Variants in SLC24A2 observed in about 807,000 individuals in gnomAD.
The protein encoded by SLC24A2 is sodium/potassium/calcium exchanger 2.
Under a neutral mutation model 62.0 loss-of-function variants are expected in SLC24A2, and 36 were observed. That is an observed-to-expected ratio of 0.58 (90% CI 0.44 to 0.77). The LOEUF is 0.77. SLC24A2 is among the 30% of genes least tolerant of loss of function. The probability of loss-of-function intolerance (pLI) is 0.00; values close to 1 mark genes in which losing one functional copy is unlikely to be tolerated. For missense variants in SLC24A2, 846 were observed against 817.9 expected (o/e 1.03, Z -0.42); for synonymous variants, 358 against 294.0 (o/e 1.22, Z -2.23).
At chr9:20,048,372 A>G in the SLC24A2 span, among the ~76,000 whole-genome samples, 12 of 152,328 alleles carry the variant, frequency 7.9e-5, no homozygotes, top group Non-Finnish European at 1.8e-4. Flanking sequence ...AGCCACCTGA[A>G]GCACAGTAGA....
At chr9:19,526,628 T>G (rs1833458091) in intron 9 of SLC24A2, among the ~76,000 whole-genome samples, 1 of 152,196 alleles carries the variant, frequency 6.6e-6, no homozygotes, top group Non-Finnish European at 1.5e-5. Flanking sequence ...TTCTTGTGCT[T>G]TTTAGCCATC....
At chr9:20,094,991 C>T in the SLC24A2 span, among the ~76,000 whole-genome samples, 2 of 152,048 alleles carry the variant, frequency 1.3e-5, no homozygotes, top group South Asian at 4.1e-4. Flanking sequence ...TATTAAAAAG[C>T]TACCTTTCCA....
At chr9:19,626,881 C>A (rs1818048256) in intron 2 of SLC24A2, among the ~76,000 whole-genome samples, 1 of 152,154 alleles carries the variant, frequency 6.6e-6, no homozygotes, top group Non-Finnish European at 1.5e-5. Context: ...AGACTAGATA[C>A]AAGGTGCAAA....
chr9:19,576,841 A>T, intron 6 of SLC24A2, 83 bp downstream of exon 6: 3 of 979,298 alleles, frequency 3.1e-6, no homozygotes, highest in East Asian at 4.8e-5. Flanking sequence ...GCACTGAGTC[A>T]GGGGTGCCCA....
At chr9:19,814,277 C>G in the SLC24A2 span, among the ~76,000 whole-genome samples, 1 of 151,936 alleles carries the variant, frequency 6.6e-6, no homozygotes, top group East Asian at 1.9e-4. Context: ...GAATGGGGAG[C>G]CTGGATGTTG....
the SLC24A2 span, among the ~76,000 whole-genome samples, chr9:20,191,321 A>C: frequency 9.7e-4 from 147 of 152,200 alleles, no homozygotes; most frequent in African/African-American, 3.4e-3. Context: ...AAAATATCTC[A>C]AAGGGTTTTG....
the SLC24A2 span, among the ~76,000 whole-genome samples, chr9:19,873,683 A>G: frequency 6.6e-6 from 1 of 151,362 alleles, no homozygotes; most frequent in Non-Finnish European, 1.5e-5. Flanking sequence ...AAAAGGAGGG[A>G]TTAGATTCTA....
chr9:19,827,324 G>A, the SLC24A2 span, among the ~76,000 whole-genome samples: 1 of 152,148 alleles, frequency 6.6e-6, no homozygotes, highest in Non-Finnish European at 1.5e-5. Context: ...TGTCAGTGTA[G>A]ACGCAAGATG....
intron 5 of SLC24A2, among the ~76,000 whole-genome samples, chr9:19,584,910 A>C (rs1015104119): frequency 6.6e-6 from 1 of 152,182 alleles, no homozygotes; most frequent in African/African-American, 2.4e-5. Flanking sequence ...TCTGTAATAA[A>C]GTATTTTGTA....
chr9:19,734,748 C>T (rs958868736), intron 2 of SLC24A2, among the ~76,000 whole-genome samples: 1 of 151,500 alleles, frequency 6.6e-6, no homozygotes. Context: ...CGAGACTTTG[C>T]TGAAGTTGCC....
At chr9:20,263,139 A>G in the SLC24A2 span, among the ~76,000 whole-genome samples, 2 of 152,186 alleles carry the variant, frequency 1.3e-5, no homozygotes, top group African/African-American at 2.4e-5. Flanking sequence ...ACTCATGTGT[A>G]CTTTTATGTT....
At chr9:19,769,294 C>A (rs1485674770) in intron 2 of SLC24A2, among the ~76,000 whole-genome samples, 2 of 152,204 alleles carry the variant, frequency 1.3e-5, no homozygotes, top group Non-Finnish European at 2.9e-5. Flanking sequence ...ATACGTCCAG[C>A]ATTTGATCAC....
intron 2 of SLC24A2, among the ~76,000 whole-genome samples, chr9:19,623,007 A>C (rs1332689446): frequency 6.6e-6 from 1 of 152,150 alleles, no homozygotes. Context: ...CCAGTTGAGA[A>C]ATGTGGATTA....
At chr9:20,213,785 CA>C in the SLC24A2 span, among the ~76,000 whole-genome samples, 1 of 152,056 alleles carries the variant, frequency 6.6e-6, no homozygotes, top group Non-Finnish European at 1.5e-5. Flanking sequence ...GAAAAGTTGC[CA>C]AAAATGGTAA....
chr9:20,078,256 C>G, the SLC24A2 span, among the ~76,000 whole-genome samples: 50 of 152,226 alleles, frequency 3.3e-4, 1 homozygote, highest in East Asian at 9.3e-3. Context: ...TCCTCATGAG[C>G]TTGTTTCTGT....
At chr9:19,749,121 T>G (rs571009077) in intron 2 of SLC24A2, among the ~76,000 whole-genome samples, 1 of 149,734 alleles carries the variant, frequency 6.7e-6, no homozygotes, top group African/African-American at 2.5e-5. Context: ...TTACCTCTCT[T>G]TTTTGCTCTC....
chr9:20,263,863 C>CCCCCCA, the SLC24A2 span, among the ~76,000 whole-genome samples: 1 of 57,350 alleles, frequency 1.7e-5, no homozygotes, highest in African/African-American at 8.5e-5. Flanking sequence ...TCCCACCCGC[C>CCCCCCA]CCCCCCCCCC....
At chr9:20,164,518 A>G in the SLC24A2 span, among the ~76,000 whole-genome samples, 13 of 150,370 alleles carry the variant, frequency 8.6e-5, no homozygotes, top group Admixed American at 1.3e-4. Flanking sequence ...AAATAGGAAC[A>G]CTTTTACACT....
the SLC24A2 span, among the ~76,000 whole-genome samples, chr9:20,004,204 G>A: frequency 3.7e-4 from 57 of 152,272 alleles, no homozygotes; most frequent in African/African-American, 9.9e-4. Flanking sequence ...TCATGCAATC[G>A]CCATTTGCTT....
Sources: allele counts gnomAD v4.1 joint callset (sites outside exome capture counted in the v4.1 genomes callset), GRCh38; gene constraint gnomAD v4.1.1; transcripts MANE v1.5; gene names NCBI Gene and HGNC (gene_info 2026-07-23, HGNC 2026-07-21).